The following RPS6KC1 variants were observed in gnomAD, a reference collection of about 807,000 sequenced individuals.
RPS6KC1 encodes the protein ribosomal protein S6 kinase C1.
In RPS6KC1, 54 loss-of-function variants were observed where a neutral mutation model predicts 103.8. The ratio of observed to expected loss-of-function variants is 0.52; its 90% CI spans 0.42 to 0.65. The LOEUF is 0.65. Ranked by LOEUF, RPS6KC1 falls within the 30% of genes least tolerant of loss-of-function variation. The probability of loss-of-function intolerance (pLI) is 0.00; values close to 1 mark genes in which losing one functional copy is unlikely to be tolerated. For missense variants in RPS6KC1, 1,151 were observed against 1,253.8 expected, an observed-to-expected ratio of 0.92 and a Z score of 1.24; for synonymous variants, 439 against 438.7, an observed-to-expected ratio of 1.00 and a Z score of -0.01.
the RPS6KC1 span, among the ~76,000 whole-genome samples, chr1:213,441,348 T>G: frequency 6.6e-6 from 1 of 152,220 alleles, no homozygotes; most frequent in African/African-American, 2.4e-5. Context: ...TTAGTCTCTT[T>G]TAAAAACTGA....
the RPS6KC1 span, among the ~76,000 whole-genome samples, chr1:213,579,559 A>G: frequency 0.14 from 21,962 of 152,092 alleles, 1,804 homozygotes; most frequent in Non-Finnish European, 0.17. Context: ...TTCCATGTAG[A>G]CAAAACAGAC....
the RPS6KC1 span, among the ~76,000 whole-genome samples, chr1:213,796,493 C>A: frequency 6.6e-6 from 1 of 152,094 alleles, no homozygotes; most frequent in Non-Finnish European, 1.5e-5. Context: ...CCGAAGAAGC[C>A]CTCAGTCAGC....
At chr1:213,736,070 G>C in the RPS6KC1 span, among the ~76,000 whole-genome samples, 1 of 152,176 alleles carries the variant, frequency 6.6e-6, no homozygotes, top group African/African-American at 2.4e-5. Flanking sequence ...AGTAAGGCAG[G>C]GACAGTAACC....
At chr1:213,859,850 T>G in the RPS6KC1 span, among the ~76,000 whole-genome samples, 2 of 152,240 alleles carry the variant, frequency 1.3e-5, no homozygotes, top group South Asian at 4.1e-4. Flanking sequence ...TCCATATTTT[T>G]AAATCATTCC....
At chr1:213,737,117 C>A in the RPS6KC1 span, among the ~76,000 whole-genome samples, 1 of 152,158 alleles carries the variant, frequency 6.6e-6, no homozygotes, top group Admixed American at 6.5e-5. Flanking sequence ...AGGTTGATAC[C>A]TTAACAATTT....
chr1:213,242,406 T>TGATAATGAAGCTC, intron 11 of RPS6KC1, 109 bp downstream of exon 11: 1 of 1,323,604 alleles, frequency 7.6e-7, no homozygotes, highest in Non-Finnish European at 1.1e-6. Flanking sequence ...TAGAGCTTCA[T>TGATAATGAAGCTC]TATCAGTGCA....
At chr1:213,316,868 C>T in the RPS6KC1 span, among the ~76,000 whole-genome samples, 1 of 152,026 alleles carries the variant, frequency 6.6e-6, no homozygotes, top group Non-Finnish European at 1.5e-5. Flanking sequence ...ATGCAAAAGT[C>T]CTGCAGTAGG....
At chr1:213,650,434 C>A in the RPS6KC1 span, among the ~76,000 whole-genome samples, 8 of 152,160 alleles carry the variant, frequency 5.3e-5, 1 homozygote, top group Admixed American at 4.6e-4. Context: ...CCCTGCAAAG[C>A]CTTTTAACAT....
chr1:213,578,552 C>T, the RPS6KC1 span, among the ~76,000 whole-genome samples: 1 of 152,190 alleles, frequency 6.6e-6, no homozygotes, highest in South Asian at 2.1e-4. Context: ...GGCAGAGCTG[C>T]CCAAGACCAT....
intron 8 of RPS6KC1, chr1:213,205,231 T>A: frequency 1.0e-6 from 1 of 984,532 alleles, no homozygotes; most frequent in African/African-American, 1.7e-5. Flanking sequence ...ACTCTACTGA[T>A]TCATTAGTAC....
chr1:213,602,042 T>TTCTTTCTTTC, the RPS6KC1 span, among the ~76,000 whole-genome samples: 5 of 65,372 alleles, frequency 7.6e-5, no homozygotes, highest in Admixed American at 1.8e-4. Flanking sequence ...TTCTCTTTCT[T>TTCTTTCTTTC]TCTTTCTTTC....
At chr1:213,685,477 A>C in the RPS6KC1 span, among the ~76,000 whole-genome samples, 2 of 152,084 alleles carry the variant, frequency 1.3e-5, no homozygotes, top group Non-Finnish European at 2.9e-5. Context: ...CTAAAAATAC[A>C]AAATTAGCCA....
At chr1:213,484,792 T>C in the RPS6KC1 span, among the ~76,000 whole-genome samples, 2 of 152,302 alleles carry the variant, frequency 1.3e-5, no homozygotes, top group African/African-American at 4.8e-5. Context: ...TGGGAGATGA[T>C]CCCAGGAAAC....
chr1:213,774,643 A>C, the RPS6KC1 span, among the ~76,000 whole-genome samples: 1 of 151,916 alleles, frequency 6.6e-6, no homozygotes, highest in South Asian at 2.1e-4. Flanking sequence ...TTAAAAAGAC[A>C]TGTGCAGTTA....
chr1:213,199,377 C>G (rs1231694450), intron 8 of RPS6KC1, among the ~76,000 whole-genome samples: 1 of 152,096 alleles, frequency 6.6e-6, no homozygotes, highest in Admixed American at 6.6e-5. Flanking sequence ...ATCACATAAA[C>G]AGAACTAAAG....
chr1:213,514,395 A>C, the RPS6KC1 span, among the ~76,000 whole-genome samples: 2 of 97,320 alleles, frequency 2.1e-5, no homozygotes, highest in Admixed American at 1.4e-4. Flanking sequence ...CCCACCCCAC[A>C]ACAGGCCCCG....
intron 12 of RPS6KC1, among the ~76,000 whole-genome samples, chr1:213,251,441 T>C (rs934199604): frequency 9.9e-5 from 15 of 152,166 alleles, no homozygotes; most frequent in African/African-American, 3.6e-4. Flanking sequence ...ACGCCACCTG[T>C]GCCAGAGCAA....
At chr1:213,058,289 C>T (rs899329872) in intron 1 of RPS6KC1, among the ~76,000 whole-genome samples, 2 of 151,994 alleles carry the variant, frequency 1.3e-5, no homozygotes, top group African/African-American at 4.8e-5. Flanking sequence ...TCCAGTTTAT[C>T]AGTTCTTTAT....
the RPS6KC1 span, among the ~76,000 whole-genome samples, chr1:213,526,811 T>C: frequency 6.6e-6 from 1 of 152,192 alleles, no homozygotes; most frequent in Admixed American, 6.5e-5. Flanking sequence ...TATTTGGAAA[T>C]ACTTTTATTA....
Sources: allele counts gnomAD v4.1 joint callset (sites outside exome capture counted in the v4.1 genomes callset), GRCh38; gene constraint gnomAD v4.1.1; transcripts MANE v1.5; gene names NCBI Gene and HGNC (gene_info 2026-07-23, HGNC 2026-07-21).